The following RNF216 variants were observed in gnomAD, a reference collection of about 807,000 sequenced individuals.
The protein encoded by RNF216 is E3 ubiquitin-protein ligase RNF216.
A neutral mutation model predicts 110.8 loss-of-function variants in RNF216; 72 were observed. That is an observed-to-expected ratio of 0.65 (90% CI 0.54 to 0.79). The LOEUF is 0.79. Ranked by LOEUF, RNF216 falls within the 30% of genes least tolerant of loss-of-function variation. RNF216 has a pLI of 0.00. For synonymous variants in RNF216, 495 were observed against 407.5 expected (o/e 1.21, Z -2.59); for missense variants, 1,342 against 1,141.2 (o/e 1.18, Z -2.54).
intron 14 of RNF216, among the ~76,000 whole-genome samples, chr7:5,648,642 G>A (rs192240030): frequency 3.8e-4 from 58 of 151,306 alleles, no homozygotes; most frequent in African/African-American, 1.2e-3. Context: ...GCAGGAGAAC[G>A]GTGTGAACCT....
Position 5,752,584 on chromosome 7 carries a change from T to C in RNF216, c.201+262A>G, listed in dbSNP as rs60912551. Among the ~76,000 whole-genome samples the C allele has an allele frequency of 5.6e-3, 853 of 152,316 alleles. 8 individuals are homozygous for C. The highest frequency in any genetic ancestry group is 0.019 in the African/African-American group (808 of 41,570). ...ATATAAGGCCAATCCAACAGTAAGATACACTATAATGTTGTAGCAATGACA... is the reference window on the plus strand; with the variant it reads ...ATATAAGGCCAATCCAACAGTAAGACACACTATAATGTTGTAGCAATGACA... On this transcript the variant is annotated intron_variant, in intron 3 of 16. Transcript: ENST00000389902.
chr7:5,623,915 A>C, intron 16 of RNF216, 141 bp downstream of exon 16: 1 of 656,862 alleles, frequency 1.5e-6, no homozygotes, highest in Non-Finnish European at 2.6e-6. Context: ...GCGTGGGTGA[A>C]GTCAGGTCTA....
intron 9 of RNF216, among the ~76,000 whole-genome samples, chr7:5,719,265 C>T (rs1347812834): frequency 1.3e-5 from 2 of 152,222 alleles, no homozygotes; most frequent in Middle Eastern, 3.4e-3. Flanking sequence ...GTCCCAATTA[C>T]TCAGGAGGTT....
chr7:5,743,153 C>A (rs1423689937), intron 3 of RNF216, among the ~76,000 whole-genome samples: 2 of 151,782 alleles, frequency 1.3e-5, no homozygotes, highest in Non-Finnish European at 1.5e-5. Flanking sequence ...CCCAGCTACT[C>A]GGGAGGCTGA....
intron 3 of RNF216, among the ~76,000 whole-genome samples, chr7:5,745,362 A>C (rs1388703790): frequency 6.6e-6 from 1 of 152,234 alleles, no homozygotes; most frequent in African/African-American, 2.4e-5. Flanking sequence ...TATCTAAAGC[A>C]AAAAGGCACC....
At chr7:5,723,474 C>T (rs1419889466) in intron 8 of RNF216, among the ~76,000 whole-genome samples, 4 of 151,806 alleles carry the variant, frequency 2.6e-5, no homozygotes, top group Admixed American at 1.3e-4. Flanking sequence ...GGTGAAACCC[C>T]GTCTCTACTA....
In RNF216 at chr7:5,772,352, T is replaced by C. The variant is rs139967827; in HGVS notation, c.-70+9189A>G. On this transcript the variant is annotated intron_variant, in intron 1 of 16. Coordinates refer to ENST00000389902, the MANE Select transcript of RNF216 (RefSeq NM_207111.4). Reference sequence around the variant, plus strand: ...TTACATAGTAACAGAAAAAATTCCATGGACAACAGTTACAAAAAAACTAGA... The same window carrying C: ...TTACATAGTAACAGAAAAAATTCCACGGACAACAGTTACAAAAAAACTAGA... Among the ~76,000 whole-genome samples, 473 of 152,294 alleles carry C rather than the reference T, an allele frequency of 3.1e-3. 2 individuals carry two copies. Among genetic ancestry groups the C allele is most frequent in the African/African-American group, 0.011 (457 of 41,570 alleles).
chr7:5,742,839 G>A (rs1482168649), intron 3 of RNF216, among the ~76,000 whole-genome samples: 1 of 151,886 alleles, frequency 6.6e-6, no homozygotes, highest in Non-Finnish European at 1.5e-5. Context: ...CAGATGACTG[G>A]CCCACCTCAG....
chr7:5,717,896 C>A (rs1793164163), intron 9 of RNF216, among the ~76,000 whole-genome samples: 1 of 152,140 alleles, frequency 6.6e-6, no homozygotes, highest in African/African-American at 2.4e-5. Flanking sequence ...GATCCTCCCA[C>A]CTCAGCTTCC....
chr7:5,765,889 G>T (rs1297883621), intron 1 of RNF216, among the ~76,000 whole-genome samples: 2 of 149,622 alleles, frequency 1.3e-5, no homozygotes, highest in South Asian at 2.1e-4. Context: ...GGAGGCAGAG[G>T]TTGCAGTGAG....
intron 13 of RNF216, among the ~76,000 whole-genome samples, chr7:5,657,907 C>A (rs574063845): frequency 6.6e-6 from 1 of 152,282 alleles, no homozygotes; most frequent in Non-Finnish European, 1.5e-5. Context: ...AATCCAAGAA[C>A]CTCTATTTTT....
At chr7:5,692,053 C>T (rs905985171) in intron 13 of RNF216, among the ~76,000 whole-genome samples, 1 of 152,168 alleles carries the variant, frequency 6.6e-6, no homozygotes, top group African/African-American at 2.4e-5. Flanking sequence ...GTATAATTTC[C>T]GACATTCCTA....
At chr7:5,697,743 C>T (rs1791718376) in intron 13 of RNF216, among the ~76,000 whole-genome samples, 1 of 152,036 alleles carries the variant, frequency 6.6e-6, no homozygotes, top group Non-Finnish European at 1.5e-5. Context: ...GGGTGCTCGC[C>T]TGGAGAAGAC....
chr7:5,711,564 G>A (rs1584492771), intron 13 of RNF216, among the ~76,000 whole-genome samples, 197 bp downstream of exon 13: 2 of 152,296 alleles, frequency 1.3e-5, no homozygotes. Context: ...TAACTGGAGT[G>A]GCAAGAGTGG....
At chr7:5,752,821 C>T (rs1795401318) in intron 3 of RNF216, 25 bp downstream of exon 3, 2 of 1,605,516 alleles carry the variant, frequency 1.2e-6, no homozygotes, top group Non-Finnish European at 1.7e-6. Flanking sequence ...AATAATGTCT[C>T]ATTGTAAGTT....
chr7:5,761,264 T>C (rs926418257), intron 1 of RNF216, 126 bp from the exon 2 acceptor site: 1 of 415,050 alleles, frequency 2.4e-6, no homozygotes, highest in African/African-American at 2.2e-5. Context: ...TCCAAGGAGG[T>C]GGGTCAAAAA....
intron 3 of RNF216, among the ~76,000 whole-genome samples, chr7:5,749,759 CTATCGGACTAAA>C (rs1276355638): frequency 1.3e-5 from 2 of 152,164 alleles, no homozygotes; most frequent in Non-Finnish European, 2.9e-5. Context: ...TGAGTTCGTA[CTATCGGACTAAA>C]TATCCAAAAT....
intron 14 of RNF216, among the ~76,000 whole-genome samples, chr7:5,642,036 AAAAAAAAAAG>A (rs986543931): frequency 1.4e-5 from 2 of 145,122 alleles, no homozygotes; most frequent in Admixed American, 6.7e-5. Context: ...CTATCTTAAA[AAAAAAAAAAG>A]AAAAAAAAAA....
chr7:5,627,241 C>CT (rs966615399), intron 15 of RNF216, among the ~76,000 whole-genome samples: 2 of 152,218 alleles, frequency 1.3e-5, no homozygotes, highest in African/African-American at 4.8e-5. Flanking sequence ...CTCAATGGTC[C>CT]TCCTGGAGGA....
Sources: gnomAD v4.1 joint callset for allele counts (sites outside exome capture counted in the v4.1 genomes callset) on GRCh38, gnomAD v4.1.1 for gene constraint, MANE v1.5 for transcripts, NCBI Gene and HGNC (gene_info 2026-07-23, HGNC 2026-07-21) for gene names.